Variants in GSAP observed in about 807,000 individuals in gnomAD.
GSAP encodes the protein gamma-secretase-activating protein.
Under a neutral mutation model 131.7 loss-of-function variants are expected in GSAP, and 118 were observed. The ratio of observed to expected loss-of-function variants is 0.90; its 90% CI spans 0.77 to 1.04. GSAP has a LOEUF of 1.04. Among genes scored for constraint, GSAP ranks in the 50% least tolerant of loss-of-function variants. The pLI, the probability that GSAP is intolerant of heterozygous loss-of-function variation, is 0.00. For missense variants in GSAP, 1,019 were observed against 1,013.2 expected, an observed-to-expected ratio of 1.01 and a Z score of -0.08; for synonymous variants, 381 against 363.4, an observed-to-expected ratio of 1.05 and a Z score of -0.55.
intron 22 of GSAP, chr7:77,328,364 A>G (rs972023693): frequency 1.6e-6 from 2 of 1,258,612 alleles, no homozygotes; most frequent in Non-Finnish European, 2.0e-6. Flanking sequence ...GAGAACCGCA[A>G]GGCCATCACC....
chr7:77,405,175 C>G (rs1349437512), intron 2 of GSAP, among the ~76,000 whole-genome samples: 1 of 152,192 alleles, frequency 6.6e-6, no homozygotes, highest in East Asian at 1.9e-4. Flanking sequence ...GCCTATAGTC[C>G]TAGCTACTGG....
At chr7:77,413,882 C>T (rs1427789375) in intron 1 of GSAP, among the ~76,000 whole-genome samples, 3 of 151,092 alleles carry the variant, frequency 2.0e-5, no homozygotes, top group African/African-American at 7.3e-5. Flanking sequence ...TTATCATTTA[C>T]AGCTACCTGT....
intron 10 of GSAP, among the ~76,000 whole-genome samples, chr7:77,375,307 G>A (rs1796685001): frequency 3.9e-5 from 6 of 152,150 alleles, no homozygotes. Context: ...ATATAATCAT[G>A]AGCTTGATGT....
At chr7:77,317,121 C>T (rs1584213738) in intron 26 of GSAP, among the ~76,000 whole-genome samples, 1 of 152,086 alleles carries the variant, frequency 6.6e-6, no homozygotes, top group African/African-American at 2.4e-5. Context: ...TCACCTCCCC[C>T]CTCTATTTCC....
chr7:77,359,614 T>C (rs1794259729), intron 14 of GSAP, among the ~76,000 whole-genome samples: 1 of 152,330 alleles, frequency 6.6e-6, no homozygotes, highest in African/African-American at 2.4e-5. Context: ...GGCTATGATT[T>C]TGTGCCTATA....
intron 22 of GSAP, 192 bp downstream of exon 22, chr7:77,328,414 C>T: frequency 7.7e-7 from 1 of 1,297,768 alleles, no homozygotes; most frequent in Non-Finnish European, 9.8e-7. Context: ...GCAGCTGTCC[C>T]CGGAGGTCCT....
chr7:77,328,762 G>C lies in GSAP; in HGVS notation c.1734-125C>G. 3 of 640,584 alleles carry C rather than the reference G, an allele frequency of 4.7e-6. No homozygotes were observed. The South Asian group carries it at 6.3e-5, about 13-fold the overall frequency. 39.7% of individuals were successfully genotyped at this position (640,584 alleles called of 1,614,324 possible). On this transcript the variant is annotated intron_variant, in intron 21 of 30. Coordinates refer to ENST00000257626, the MANE Select transcript of GSAP (RefSeq NM_017439.4). The stretch of plus-strand genomic sequence containing the variant: ...CCACTGTAGAAACTATTCTCAAGCT[G>C]CTGAAAACCTCAAAAACTTTGATCA...
At chr7:77,332,851 G>C (rs1452726178) in intron 19 of GSAP, among the ~76,000 whole-genome samples, 2 of 151,928 alleles carry the variant, frequency 1.3e-5, no homozygotes, top group Non-Finnish European at 2.9e-5. Context: ...TCACTATTTG[G>C]TATCCACTAG....
chr7:77,415,355 C>G (rs1299423129), intron 1 of GSAP, among the ~76,000 whole-genome samples: 2 of 152,244 alleles, frequency 1.3e-5, no homozygotes, highest in Admixed American at 6.5e-5. Context: ...CAAGGTGAGA[C>G]CTACAGGCAT....
chr7:77,396,819 T>A (rs2286157), intron 5 of GSAP, among the ~76,000 whole-genome samples, 163 bp downstream of exon 5: 13,695 of 141,586 alleles, frequency 0.097, 713 homozygotes, highest in South Asian at 0.19. Flanking sequence ...GAAAAAAAAA[T>A]TTTTTTTAAG....
chr7:77,312,393 C>G (rs1009935311), intron 28 of GSAP, among the ~76,000 whole-genome samples, 191 bp from the exon 29 acceptor site: 1 of 152,186 alleles, frequency 6.6e-6, no homozygotes, highest in African/African-American at 2.4e-5. Context: ...AATACTCTCT[C>G]AAACGCTACA....
chr7:77,399,407 C>G (rs1583868024), intron 3 of GSAP, among the ~76,000 whole-genome samples: 1 of 152,162 alleles, frequency 6.6e-6, no homozygotes, highest in East Asian at 1.9e-4. Flanking sequence ...CAATTCCAAC[C>G]CAGTGAATTC....
At chr7:77,374,582 C>T (rs1293497072) in intron 11 of GSAP, among the ~76,000 whole-genome samples, 3 of 151,212 alleles carry the variant, frequency 2.0e-5, no homozygotes, top group Admixed American at 1.3e-4. Flanking sequence ...CTCATGTTCC[C>T]GCTACATGTA....
At chr7:77,351,238 A>T in intron 18 of GSAP, 1 of 978,076 alleles carries the variant, frequency 1.0e-6, no homozygotes, top group Non-Finnish European at 1.2e-6. Context: ...AAAAAAATTA[A>T]AATTTCATTA....
chr7:77,386,246 A>G (rs1271139547), intron 6 of GSAP, among the ~76,000 whole-genome samples: 2 of 152,228 alleles, frequency 1.3e-5, no homozygotes, highest in African/African-American at 4.8e-5. Context: ...AACACAAAAG[A>G]ACACTTCATA....
At chr7:77,375,171 A>C (rs1315607027) in intron 10 of GSAP, 70 bp from the exon 11 acceptor site, 2 of 845,176 alleles carry the variant, frequency 2.4e-6, no homozygotes, top group African/African-American at 3.5e-5. Flanking sequence ...AACCAGAGCA[A>C]GCCCAAGTAA....
intron 5 of GSAP, among the ~76,000 whole-genome samples, chr7:77,395,789 A>G (rs1343263241): frequency 1.3e-5 from 2 of 152,196 alleles, no homozygotes; most frequent in African/African-American, 4.8e-5. Context: ...TTTCCATCAC[A>G]TGCAATGGCA....
intron 3 of GSAP, among the ~76,000 whole-genome samples, chr7:77,401,000 GAACA>G (rs1801222510): frequency 6.8e-6 from 1 of 146,432 alleles, no homozygotes. Flanking sequence ...GGAGAGGACA[GAACA>G]ATCAGTGAAC....
chr7:77,325,656 C>G (rs1204714191), intron 23 of GSAP, among the ~76,000 whole-genome samples: 1 of 152,216 alleles, frequency 6.6e-6, no homozygotes, highest in Non-Finnish European at 1.5e-5. Flanking sequence ...CTGCAACCTC[C>G]ACTTCCTGGG....
Sources: allele counts gnomAD v4.1 joint callset (sites outside exome capture counted in the v4.1 genomes callset), GRCh38; gene constraint gnomAD v4.1.1; transcripts MANE v1.5; gene names NCBI Gene and HGNC (gene_info 2026-07-23, HGNC 2026-07-21).